Variants in CNTNAP2 observed in about 807,000 individuals in gnomAD.
CNTNAP2 encodes the protein contactin associated protein 2.
In CNTNAP2, 98 loss-of-function variants were observed where a neutral mutation model predicts 155.2. The ratio of observed to expected loss-of-function variants is 0.63; its 90% CI spans 0.54 to 0.75. The LOEUF (loss-of-function observed/expected upper bound fraction) is 0.75. CNTNAP2 is among the 30% of genes least tolerant of loss of function. The pLI is 0.00. For synonymous variants in CNTNAP2, 651 were observed against 631.2 expected, an observed-to-expected ratio of 1.03 and a Z score of -0.47; for missense variants, 1,727 against 1,688.1, an observed-to-expected ratio of 1.02 and a Z score of -0.40.
chr7:146,262,362 T>C (rs1382621798), intron 1 of CNTNAP2, among the ~76,000 whole-genome samples: 2 of 152,194 alleles, frequency 1.3e-5, no homozygotes, highest in Admixed American at 6.5e-5. Flanking sequence ...TCTTTACTTA[T>C]CTGACATTTT....
chr7:146,148,326 C>T (rs959411), intron 1 of CNTNAP2, among the ~76,000 whole-genome samples: 11,204 of 152,086 alleles, frequency 0.074, 460 homozygotes, highest in Middle Eastern at 0.15. Flanking sequence ...CGTCTAGCAT[C>T]ATTGAAAACT....
chr7:146,722,611 T>C (rs1034442632), intron 1 of CNTNAP2, among the ~76,000 whole-genome samples: 2 of 152,200 alleles, frequency 1.3e-5, no homozygotes, highest in East Asian at 3.9e-4. Flanking sequence ...ATTTGAAATA[T>C]TTACTATGTA....
At chr7:148,010,660 G>A (rs992733917) in intron 15 of CNTNAP2, among the ~76,000 whole-genome samples, 1 of 69,560 alleles carries the variant, frequency 1.4e-5, no homozygotes, top group African/African-American at 6.9e-5. Context: ...CATACATCAA[G>A]GTTTTTTTTT....
At chr7:147,976,854 A>T (rs2373282) in intron 14 of CNTNAP2, among the ~76,000 whole-genome samples, 69,897 of 151,572 alleles carry the variant, frequency 0.46, 16,722 homozygotes, top group East Asian at 0.75. Flanking sequence ...TCAGGGTGGG[A>T]TTTTTCTGAT....
intron 1 of CNTNAP2, among the ~76,000 whole-genome samples, chr7:146,613,103 A>G (rs1409665167): frequency 6.6e-6 from 1 of 152,154 alleles, no homozygotes; most frequent in Non-Finnish European, 1.5e-5. Context: ...TGTTTACTCA[A>G]GGAGCTCTAT....
At chr7:146,195,527 C>A (rs1347101015) in intron 1 of CNTNAP2, among the ~76,000 whole-genome samples, 1 of 152,152 alleles carries the variant, frequency 6.6e-6, no homozygotes, top group East Asian at 1.9e-4. Context: ...TTTCTTACTG[C>A]CAATGATATT....
At chr7:147,892,340 C>T (rs1224042352) in intron 13 of CNTNAP2, among the ~76,000 whole-genome samples, 1 of 152,134 alleles carries the variant, frequency 6.6e-6, no homozygotes, top group African/African-American at 2.4e-5. Context: ...TGGAAAGGAA[C>T]AACTGTTGTT....
intron 1 of CNTNAP2, among the ~76,000 whole-genome samples, chr7:146,768,477 G>C (rs977196580): frequency 6.6e-6 from 1 of 151,728 alleles, no homozygotes; most frequent in African/African-American, 2.4e-5. Flanking sequence ...ATGGACATCA[G>C]GGGGTAGATA....
At chr7:146,485,901 CAATTT>C (rs1306170666) in intron 1 of CNTNAP2, among the ~76,000 whole-genome samples, 2 of 152,046 alleles carry the variant, frequency 1.3e-5, no homozygotes, top group Non-Finnish European at 2.9e-5. Context: ...TCTGTCTATA[CAATTT>C]AATCTGTCTA....
intron 1 of CNTNAP2, among the ~76,000 whole-genome samples, chr7:146,713,429 CCTT>C (rs1353767490): frequency 6.6e-6 from 1 of 152,046 alleles, no homozygotes; most frequent in African/African-American, 2.4e-5. Flanking sequence ...CAGCTTGTCC[CCTT>C]CTTTGTCATT....
At chr7:146,604,059 C>G in intron 1 of CNTNAP2, among the ~76,000 whole-genome samples, 1 of 99,226 alleles carries the variant, frequency 1.0e-5, no homozygotes, top group Non-Finnish European at 2.0e-5. Context: ...CAACAAAAGC[C>G]AAAATTGACA....
intron 1 of CNTNAP2, among the ~76,000 whole-genome samples, chr7:146,383,257 T>A (rs532964083): frequency 1.3e-5 from 2 of 152,286 alleles, no homozygotes; most frequent in African/African-American, 4.8e-5. Flanking sequence ...TGCTAAAATG[T>A]GCTCTTCCAA....
At chr7:147,920,843 T>C (rs979103211) in intron 14 of CNTNAP2, among the ~76,000 whole-genome samples, 2 of 132,088 alleles carry the variant, frequency 1.5e-5, no homozygotes, top group African/African-American at 6.0e-5. Flanking sequence ...GGAGTCTCAC[T>C]CTGTCACCTA....
intron 19 of CNTNAP2, 116 bp from the exon 20 acceptor site, chr7:148,229,529 GA>G: frequency 7.3e-7 from 1 of 1,371,146 alleles, no homozygotes; most frequent in Non-Finnish European, 1.0e-6. Context: ...TCAAAAAAAA[GA>G]AAGAAAAGAA....
At chr7:146,859,334 A>G (rs1044656870) in intron 3 of CNTNAP2, among the ~76,000 whole-genome samples, 1 of 152,174 alleles carries the variant, frequency 6.6e-6, no homozygotes, top group Non-Finnish European at 1.5e-5. Flanking sequence ...GGAGCTGCAT[A>G]TTTTTTAAAA....
chr7:146,308,396 C>T (rs894162151), intron 1 of CNTNAP2, among the ~76,000 whole-genome samples: 1 of 151,284 alleles, frequency 6.6e-6, no homozygotes, highest in Non-Finnish European at 1.5e-5. Context: ...TAAACTAGTT[C>T]AACCATTGTG....
chr7:147,789,050 A>G (rs144177342), intron 13 of CNTNAP2, among the ~76,000 whole-genome samples: 1,699 of 151,472 alleles, frequency 0.011, 39 homozygotes, highest in African/African-American at 0.039. Context: ...GATTACAGGC[A>G]TGCATCACCA....
intron 8 of CNTNAP2, among the ~76,000 whole-genome samples, chr7:147,262,835 C>T (rs1163386465): frequency 2.0e-5 from 3 of 152,080 alleles, no homozygotes; most frequent in Admixed American, 2.0e-4. Context: ...GAGAAGGTAC[C>T]CAAGTACAAG....
At chr7:147,805,986 C>T (rs1798083332) in intron 13 of CNTNAP2, among the ~76,000 whole-genome samples, 1 of 151,946 alleles carries the variant, frequency 6.6e-6, no homozygotes, top group Non-Finnish European at 1.5e-5. Context: ...GAAACCAAAG[C>T]AAAAATGGAG....
Sources: gnomAD v4.1 joint callset for allele counts (sites outside exome capture counted in the v4.1 genomes callset) on GRCh38, gnomAD v4.1.1 for gene constraint, MANE v1.5 for transcripts, NCBI Gene and HGNC (gene_info 2026-07-23, HGNC 2026-07-21) for gene names.